SLF1: variants seen among roughly 807,000 people sequenced by gnomAD.
SLF1 encodes SMC5-SMC6 complex localization factor protein 1.
Under a neutral mutation model 123.0 loss-of-function variants are expected in SLF1, and 105 were observed. The ratio of observed to expected loss-of-function variants is 0.85; its 90% CI spans 0.73 to 1.00. SLF1 has a LOEUF of 1.00. Ranked by LOEUF, SLF1 falls within the 50% of genes least tolerant of loss-of-function variation. SLF1 has a pLI of 0.00. For missense variants in SLF1, 1,239 were observed against 1,223.0 expected, an observed-to-expected ratio of 1.01 and a Z score of -0.20; for synonymous variants, 434 against 406.6, an observed-to-expected ratio of 1.07 and a Z score of -0.81.
chr5:94,695,216 A>G lies in SLF1; in HGVS notation c.3081A>G (p.Glu1027=), dbSNP rs769702094. ...TLQKLPHILK[E]LPENLKVCPG... ...AGAAACTCCCACACATTCTTAAGGA[A>G]CTGCCTGAGAATTTGAAAGTGTGTC... is the stretch of plus-strand genomic sequence containing the variant. The change falls in exon 21 of 21, where the codon GAA becomes GAG. Residue 1027 remains glutamate, a synonymous_variant. Coordinates refer to ENST00000265140, the MANE Select transcript of SLF1 (RefSeq NM_032290.4). 1.2e-6 allele frequency: 2 copies of G among 1,612,686 alleles called. No homozygotes were observed. The highest frequency in any genetic ancestry group is 2.2e-5 in the East Asian group (1 of 44,834).
At chr5:94,681,645 C>T (rs1751786061) in intron 15 of SLF1, among the ~76,000 whole-genome samples, 1 of 145,768 alleles carries the variant, frequency 6.9e-6, no homozygotes. Context: ...TAACCCTCCC[C>T]CCTCCCCCCA....
chr5:94,660,960 T>C (rs1355066908), intron 9 of SLF1, among the ~76,000 whole-genome samples: 1 of 151,994 alleles, frequency 6.6e-6, no homozygotes, highest in Non-Finnish European at 1.5e-5. Context: ...CTAGTTGCAT[T>C]GTTGACTCCA....
intron 9 of SLF1, among the ~76,000 whole-genome samples, chr5:94,657,921 C>T (rs571264984): frequency 1.3e-5 from 2 of 152,148 alleles, no homozygotes; most frequent in Non-Finnish European, 2.9e-5. Flanking sequence ...TCTTCACTTT[C>T]AGTCTTTACA....
At chr5:94,624,326 G>A (rs1792044340) in intron 1 of SLF1, among the ~76,000 whole-genome samples, 1 of 152,024 alleles carries the variant, frequency 6.6e-6, no homozygotes, top group South Asian at 2.1e-4. Flanking sequence ...CTGCTATTAT[G>A]CAGTTAGTCC....
intron 19 of SLF1, 137 bp downstream of exon 19, chr5:94,691,793 A>T: frequency 1.4e-6 from 1 of 733,612 alleles, no homozygotes; most frequent in Non-Finnish European, 2.0e-6. Flanking sequence ...TTTCTTAGCA[A>T]AGCCAAGAAA....
chr5:94,694,763 G>A (rs1753400682), intron 20 of SLF1, 68 bp from the exon 21 acceptor site: 2 of 1,506,022 alleles, frequency 1.3e-6, no homozygotes, highest in Non-Finnish European at 1.8e-6. Flanking sequence ...GGAAAAAGGA[G>A]AAAAGAGCTG....
In SLF1 at chr5:94,629,106, T is replaced by A; in HGVS notation, c.129T>A (p.Cys43Ter). ...TFIKSEKYKN[C>*]THLIAERLCK... is the part of the protein sequence containing the mutation. ...TTTCCCTCCAGAAATACAAAAATTGTACACATCTTATAGCTGAACGCCTAT... is the reference window on the plus strand; with the variant it reads ...TTTCCCTCCAGAAATACAAAAATTGAACACATCTTATAGCTGAACGCCTAT... Residue 43 changes from cysteine to a stop codon, truncating the protein, a stop_gained, in exon 3 of 21, where the codon TGT becomes TGA. Transcript: ENST00000265140. LOFTEE classifies it high-confidence loss of function. The A allele has an allele frequency of 6.5e-7, 1 of 1,544,168 alleles. No homozygotes were observed. The highest frequency in any genetic ancestry group is 8.7e-7 in the Non-Finnish European group (1 of 1,143,926).
In SLF1 at chr5:94,648,183, C is replaced by A. The variant is rs139537018; in HGVS notation, c.595-1271C>A. 9.9e-5 allele frequency among the ~76,000 whole-genome samples: 15 copies of A among 152,252 alleles called. No homozygotes were observed. In the East Asian group the frequency reaches 2.3e-3, roughly 24 times the overall value. ...CACTTAACAGAAATTGTTGTTGATA[C>A]ATTCTTTGGTCCCAGTAATAGGAAG... On this transcript the variant is annotated intron_variant, in intron 5 of 20. Coordinates refer to ENST00000265140, the MANE Select transcript of SLF1 (RefSeq NM_032290.4).
intron 15 of SLF1, among the ~76,000 whole-genome samples, chr5:94,682,870 T>G (rs1751973753): frequency 6.6e-6 from 1 of 152,256 alleles, no homozygotes; most frequent in African/African-American, 2.4e-5. Flanking sequence ...TACCAGACAG[T>G]AAATATTACT....
chr5:94,694,689 C>A, intron 20 of SLF1, 142 bp from the exon 21 acceptor site: 1 of 1,057,074 alleles, frequency 9.5e-7, no homozygotes, highest in Non-Finnish European at 1.3e-6. Flanking sequence ...TATATATAGT[C>A]AGTTAATTGT....
intron 1 of SLF1, among the ~76,000 whole-genome samples, chr5:94,622,630 ATAT>A (rs1440503566): frequency 6.6e-6 from 1 of 152,158 alleles, no homozygotes; most frequent in African/African-American, 2.4e-5. Flanking sequence ...ATACTTTGTA[ATAT>A]TTTTCAAATT....
intron 4 of SLF1, among the ~76,000 whole-genome samples, chr5:94,641,227 A>G (rs1746414455): frequency 1.7e-5 from 2 of 114,744 alleles, no homozygotes; most frequent in Admixed American, 2.7e-4. Context: ...TTTAATTGCC[A>G]TTGTGAAAGT....
Position 94,663,801 on chromosome 5 carries a change from A to G in SLF1, c.1261A>G (p.Ile421Val). Residue 421 changes from isoleucine (I) to valine (V), a missense_variant, in exon 11 of 21, where the codon ATA (isoleucine) becomes GTA (valine). Coordinates refer to ENST00000265140, the MANE Select transcript of SLF1 (RefSeq NM_032290.4). ...TGTATTAAATTTAATTGAAAGCCTCATAGAAGGACATTTTTTTAAAGAAGC... is the reference window on the plus strand; with the variant it reads ...TGTATTAAATTTAATTGAAAGCCTCGTAGAAGGACATTTTTTTAAAGAAGC... ...RGVLNLIESL[I>V]EGHFFKEAIE... 6.4e-7 allele frequency: 1 copy of G among 1,550,544 alleles called. No individual in the cohort carries two copies. Among genetic ancestry groups the G allele is most frequent in the Non-Finnish European group, 8.7e-7 (1 of 1,146,446 alleles).
chr5:94,683,805 G>T (rs1292600342), intron 15 of SLF1, among the ~76,000 whole-genome samples: 3 of 152,172 alleles, frequency 2.0e-5, no homozygotes, highest in Admixed American at 1.3e-4. Context: ...GATTTAAAAA[G>T]ATTGTCCCAG....
intron 11 of SLF1, 37 bp from the exon 12 acceptor site, chr5:94,665,824 A>G (rs1458301287): frequency 6.0e-6 from 9 of 1,488,666 alleles, no homozygotes; most frequent in Middle Eastern, 1.7e-4. Context: ...ACTTTTAGCT[A>G]TAGTGTTTTA....
At chr5:94,639,876 GAC>G (rs1274391386) in intron 4 of SLF1, among the ~76,000 whole-genome samples, 1 of 152,176 alleles carries the variant, frequency 6.6e-6, no homozygotes, top group East Asian at 1.9e-4. Context: ...AGGAGAGGCA[GAC>G]ACACTTGGTG....
intron 4 of SLF1, among the ~76,000 whole-genome samples, chr5:94,636,395 T>A (rs187187640): frequency 6.6e-6 from 1 of 152,276 alleles, no homozygotes; most frequent in Non-Finnish European, 1.5e-5. Context: ...CTCTCTCTTC[T>A]GCTGATTTTA....
At position 94,666,023 on chromosome 5, in the gene SLF1, A is replaced by G; in HGVS notation, c.1531A>G (p.Arg511Gly). The change falls in exon 12 of 21, where the codon AGG (arginine) becomes GGG (glycine). Residue 511 changes from arginine (R) to glycine (G), a missense_variant and splice_region_variant. By Grantham distance (125) the Arg-to-Gly change is moderately radical. Coordinates refer to ENST00000265140, the MANE Select transcript of SLF1 (RefSeq NM_032290.4). ...ATGGTCTTTAGTAGAAGTCCTTATC[A>G]GGTAAGGAATTTCACATTTGACGAT... Reference protein sequence around the residue: ...GAWSLVEVLIRSCLFNESFCH... With the variant: ...GAWSLVEVLIGSCLFNESFCH... The G allele has an allele frequency of 1.3e-6, 2 of 1,544,088 alleles. No individual in the cohort carries two copies. Among genetic ancestry groups the G allele is most frequent in the South Asian group, 1.2e-5 (1 of 82,370 alleles).
At position 94,665,909 on chromosome 5, in the gene SLF1, C is replaced by G. The variant is rs1463118723; in HGVS notation, c.1417C>G (p.Leu473Val). The G allele has an allele frequency of 1.3e-6, 2 of 1,550,230 alleles. No individual in the cohort carries two copies. The highest frequency in any genetic ancestry group is 2.0e-5 in the Admixed American group (1 of 50,992). The part of the protein sequence containing the change: ...SGRYFHILSA[L>V]LHLHPPWKSP... The stretch of plus-strand genomic sequence containing the variant: ...TCGATACTTTCATATATTGTCAGCT[C>G]TTCTTCACCTGCATCCTCCTTGGAA... Residue 473 changes from leucine to valine, a missense_variant, in exon 12 of 21, where the codon CTT becomes GTT. Physicochemically the swap from Leu to Val is conservative, Grantham distance 32. Transcript: ENST00000265140.
Sources: gnomAD v4.1 joint callset for allele counts (sites outside exome capture counted in the v4.1 genomes callset) on GRCh38, gnomAD v4.1.1 for gene constraint, MANE v1.5 for transcripts, NCBI Gene and HGNC (gene_info 2026-07-23, HGNC 2026-07-21) for gene names.